PAWR: variants seen among roughly 807,000 people sequenced by gnomAD.
PAWR encodes PRKC apoptosis WT1 regulator protein.
A neutral mutation model predicts 32.0 loss-of-function variants in PAWR; 23 were observed. That is an observed-to-expected ratio of 0.72 (90% CI 0.52 to 1.02). The LOEUF (loss-of-function observed/expected upper bound fraction) is 1.02, where lower values mean the gene tolerates loss of function less well. PAWR is among the 50% of genes least tolerant of loss of function. The probability of loss-of-function intolerance (pLI) is 0.00; values close to 1 mark genes in which losing one functional copy is unlikely to be tolerated. For synonymous variants in PAWR, 226 were observed against 187.1 expected (o/e 1.21, Z -1.70); for missense variants, 457 against 437.7 (o/e 1.04, Z -0.39).
At chr12:79,596,869 A>AT in intron 4 of PAWR, 1 of 477,302 alleles carries the variant, frequency 2.1e-6, no homozygotes, top group South Asian at 4.0e-5. Flanking sequence ...TATCTACTGA[A>AT]TAGGTGTTAA....
At chr12:79,630,483 A>G (rs1414544066) in intron 2 of PAWR, among the ~76,000 whole-genome samples, 4 of 151,968 alleles carry the variant, frequency 2.6e-5, no homozygotes, top group Admixed American at 2.0e-4. Flanking sequence ...TATTTTTAGT[A>G]TAAGAGACGG....
chr12:79,632,098 A>C (rs1490604465), intron 2 of PAWR: 2 of 138,370 alleles, frequency 1.4e-5, no homozygotes, highest in Non-Finnish European at 3.0e-5. Flanking sequence ...ATGCCATTGC[A>C]CTCCAGCCTG....
chr12:79,601,568 C>A (rs181559270), intron 4 of PAWR, among the ~76,000 whole-genome samples: 2 of 152,078 alleles, frequency 1.3e-5, no homozygotes, highest in South Asian at 2.1e-4. Flanking sequence ...TAATTACATA[C>A]CCATGTTGGT....
At chr12:79,674,167 A>G (rs1878044890) in intron 2 of PAWR, among the ~76,000 whole-genome samples, 1 of 152,198 alleles carries the variant, frequency 6.6e-6, no homozygotes, top group Non-Finnish European at 1.5e-5. Flanking sequence ...ACAAGGCTAC[A>G]GTAACTAAAA....
chr12:79,673,829 TA>T (rs1403173342), intron 2 of PAWR, among the ~76,000 whole-genome samples: 1 of 152,058 alleles, frequency 6.6e-6, no homozygotes, highest in East Asian at 1.9e-4. Context: ...ATAAAACACC[TA>T]GGAATAAGCT....
At chr12:79,638,057 C>G (rs1388766351) in intron 2 of PAWR, among the ~76,000 whole-genome samples, 2 of 151,796 alleles carry the variant, frequency 1.3e-5, no homozygotes, top group Non-Finnish European at 2.9e-5. Context: ...AATAGCCTTT[C>G]ACGTAAATTT....
chr12:79,614,469 T>A (rs954063068), intron 3 of PAWR, among the ~76,000 whole-genome samples: 2 of 152,124 alleles, frequency 1.3e-5, no homozygotes, highest in African/African-American at 2.4e-5. Flanking sequence ...TTGTGCTGAT[T>A]CTAAGCTACT....
intron 2 of PAWR, among the ~76,000 whole-genome samples, chr12:79,641,511 T>A (rs1040721488): frequency 6.6e-6 from 1 of 152,242 alleles, no homozygotes; most frequent in Admixed American, 6.5e-5. Flanking sequence ...AAACAAGCTC[T>A]CCAATACAGC....
Position 79,657,836 on chromosome 12 carries a change from T to C in PAWR, c.516+31893A>G, listed in dbSNP as rs1182908734. On this transcript the variant is annotated intron_variant, in intron 2 of 6. Transcript: ENST00000328827. ...CTCAAGGAGGACTCGAATAGAACCA[T>C]AAAGGGTACCAACATTTAAGGAAGT... Among the ~76,000 whole-genome samples the C allele has an allele frequency of 2.7e-5, 4 of 149,260 alleles. No homozygotes were observed. The East Asian group carries it at 7.8e-4, about 29-fold the overall frequency.
rs1480887463 is a variant in PAWR at position 79,586,251 on chromosome 12, A to G, written c.*6356T>C. On this transcript the variant is annotated 3_prime_UTR_variant, in exon 7 of 7. Coordinates refer to ENST00000328827, the MANE Select transcript of PAWR (RefSeq NM_002583.4). ...GTTATGGAAGGCTAACAGTTTTTCAACTTTTCTCAATACTATCAGATGAAT... is the reference window on the plus strand; with the variant it reads ...GTTATGGAAGGCTAACAGTTTTTCAGCTTTTCTCAATACTATCAGATGAAT... The G allele has an allele frequency of 6.6e-6, 1 of 152,578 alleles. No homozygotes were observed. Among genetic ancestry groups the G allele is most frequent in the Non-Finnish European group, 1.5e-5 (1 of 68,032 alleles). The allele number at this position is 152,578 out of a possible 1,614,324, so 9.5% of individuals were successfully genotyped here. A position where few individuals can be genotyped will look rare whatever the true frequency, so the allele number is the denominator to read the frequency against.
intron 6 of PAWR, among the ~76,000 whole-genome samples, chr12:79,593,657 C>CT (rs1173927973): frequency 2.7e-5 from 4 of 147,962 alleles, no homozygotes; most frequent in Non-Finnish European, 4.5e-5. Context: ...GAGACTCCTT[C>CT]TCAAAAAATA....
rs1490804163 is a variant in PAWR, at chr12:79,632,351, ATATATATATAT to A, written c.517-11155_517-11145del. Among the ~76,000 whole-genome samples, 163 of 23,888 alleles carry A rather than the reference ATATATATATAT, an allele frequency of 6.8e-3. 1 individual carries two copies. The highest frequency in any genetic ancestry group is 0.014 in the Middle Eastern group (1 of 70). 15.7% of individuals were successfully genotyped at this position (23,888 alleles called of 152,430 possible). A position where few individuals can be genotyped will look rare whatever the true frequency, so the allele number is the denominator to read the frequency against. On this transcript the variant is annotated intron_variant, in intron 2 of 6. Transcript: ENST00000328827. ...TATATATATATATATATATATATAT[ATATATATATAT>A]TTTTTTTTTTTTTTAGACAGGGTCT...
chr12:79,632,334 T>TATATATAC (rs1875711931), intron 2 of PAWR, among the ~76,000 whole-genome samples: 3 of 55,130 alleles, frequency 5.4e-5, no homozygotes, highest in African/African-American at 2.3e-4. Context: ...TATATATATA[T>TATATATAC]ATATATATAT....
intron 2 of PAWR, among the ~76,000 whole-genome samples, chr12:79,644,784 C>A (rs112345547): frequency 6.6e-6 from 1 of 152,076 alleles, no homozygotes; most frequent in Non-Finnish European, 1.5e-5. Context: ...AACAGGTTTG[C>A]ATTTACATGT....
chr12:79,632,132 C>CAAAAAAAAA (rs59152885), intron 2 of PAWR: 4 of 50,912 alleles, frequency 7.9e-5, no homozygotes, highest in African/African-American at 2.6e-4. Context: ...GACTCTGTCT[C>CAAAAAAAAA]AAAAAAAAAA....
chr12:79,662,898 T>C (rs549587522), intron 2 of PAWR, among the ~76,000 whole-genome samples: 1 of 152,230 alleles, frequency 6.6e-6, no homozygotes, highest in Non-Finnish European at 1.5e-5. Flanking sequence ...AATGATTCTA[T>C]GGTAACATGT....
intron 4 of PAWR, among the ~76,000 whole-genome samples, chr12:79,612,475 C>T (rs558125802): frequency 1.3e-5 from 2 of 152,218 alleles, no homozygotes; most frequent in South Asian, 4.1e-4. Flanking sequence ...ATGTATAAAT[C>T]TAGGCAGATG....
intron 2 of PAWR, among the ~76,000 whole-genome samples, chr12:79,650,775 A>G (rs1592531031): frequency 6.6e-6 from 1 of 151,572 alleles, no homozygotes; most frequent in Admixed American, 6.6e-5. Flanking sequence ...GACTTGGCCT[A>G]CAACCACTAA....
At position 79,589,219 on chromosome 12, in the gene PAWR, T is replaced by G. The variant is rs1215304343; in HGVS notation, c.*3388A>C. On this transcript the variant is annotated 3_prime_UTR_variant, in exon 7 of 7. Transcript: ENST00000328827. ...TACCTATCACTGTACATATGAATAC[T>G]GTCCAGGATATCAGATCAATTATCA... is the stretch of plus-strand genomic sequence containing the variant. 1 of 152,030 alleles carries G rather than the reference T, an allele frequency of 6.6e-6. No homozygotes were observed. Among genetic ancestry groups the G allele is most frequent in the African/African-American group, 2.4e-5 (1 of 41,442 alleles). 9.4% of individuals were successfully genotyped at this position (152,030 alleles called of 1,614,324 possible).
Sources: allele counts gnomAD v4.1 joint callset (sites outside exome capture counted in the v4.1 genomes callset), GRCh38; gene constraint gnomAD v4.1.1; transcripts MANE v1.5; gene names NCBI Gene and HGNC (gene_info 2026-07-23, HGNC 2026-07-21).